The following ZNF2 variants were observed in gnomAD, a reference collection of about 807,000 sequenced individuals.
ZNF2 encodes the protein zinc finger protein 2.
ZNF2 carries 12 observed loss-of-function variants against 21.9 expected under a neutral mutation model. That is an observed-to-expected ratio of 0.55 (90% CI 0.35 to 0.89). The LOEUF (loss-of-function observed/expected upper bound fraction) is 0.89. ZNF2 is among the 40% of genes least tolerant of loss of function. The pLI is 0.01. For synonymous variants in ZNF2, 186 were observed against 196.3 expected, an observed-to-expected ratio of 0.95 and a Z score of 0.44; for missense variants, 462 against 544.2, an observed-to-expected ratio of 0.85 and a Z score of 1.50.
intron 3 of ZNF2, among the ~76,000 whole-genome samples, chr2:95,179,724 G>T (rs987495117): frequency 6.6e-6 from 1 of 152,170 alleles, no homozygotes; most frequent in African/African-American, 2.4e-5. Flanking sequence ...TGCATTCTTG[G>T]CTTGTGCGTT....
At chr2:95,168,383 C>A (rs1314581280) in intron 1 of ZNF2, among the ~76,000 whole-genome samples, 2 of 151,128 alleles carry the variant, frequency 1.3e-5, no homozygotes, top group Non-Finnish European at 2.9e-5. Flanking sequence ...CAAGATCGTG[C>A]CATTGCACTC....
intron 4 of ZNF2, 172 bp from the exon 5 acceptor site, chr2:95,180,931 C>G: frequency 1.4e-6 from 1 of 734,492 alleles, no homozygotes; most frequent in Non-Finnish European, 2.2e-6. Context: ...ATTCTGTTCC[C>G]TGCCACCTTC....
rs1287887194 is a variant in ZNF2, at chr2:95,182,284, A to G, written c.*178A>G. The G allele has an allele frequency of 2.1e-5, 16 of 758,996 alleles. No individual in the cohort carries two copies. Among genetic ancestry groups the G allele is most frequent in the Non-Finnish European group, 3.2e-5 (16 of 495,558 alleles). The allele number at this position is 758,996 out of a possible 1,614,324, so 47.0% of individuals were successfully genotyped here. On this transcript the variant is annotated 3_prime_UTR_variant, in exon 5 of 5. Transcript: ENST00000614034. ...CTGCTGTGTTATAGAACTGTAGGGG[A>G]GGCCATGGAAATGACTCTAAAGATA...
Position 95,181,558 on chromosome 2 carries a change from C to G in ZNF2, c.730C>G (p.Leu244Val). Residue 244 changes from leucine (L) to valine (V), a missense_variant, in exon 5 of 5, where the codon CTA becomes GTA. Physicochemically the swap from Leu to Val is conservative, Grantham distance 32. Coordinates refer to ENST00000614034, the MANE Select transcript of ZNF2 (RefSeq NM_021088.4). ...AAAAGCCTTCTTTGACCGTTCGTCC[C>G]TAACTGTCCATCAGCGAATTCACAC... ...CSKAFFDRSS[L>V]TVHQRIHTGE... 6.2e-7 allele frequency: 1 copy of G among 1,614,188 alleles called. No homozygotes were observed. The highest frequency in any genetic ancestry group is 8.5e-7 in the Non-Finnish European group (1 of 1,180,044).
rs1476344436 is a variant in ZNF2 at position 95,183,646 on chromosome 2, A to C, written c.*1540A>C. 5 of 121,636 alleles carry C rather than the reference A, an allele frequency of 4.1e-5. No homozygotes were observed. Among genetic ancestry groups the C allele is most frequent in the African/African-American group, 1.7e-4 (5 of 29,356 alleles). 7.5% of individuals were successfully genotyped at this position (121,636 alleles called of 1,614,324 possible). A position where few individuals can be genotyped will look rare whatever the true frequency, so the allele number is the denominator to read the frequency against. On this transcript the variant is annotated 3_prime_UTR_variant, in exon 5 of 5. Transcript: ENST00000614034. ...TTTTTTTTTTTTTTTTGTGAGACAGAGTCTCACTCTGTCACCCAGGTTGGA... is the reference window on the plus strand; with the variant it reads ...TTTTTTTTTTTTTTTTGTGAGACAGCGTCTCACTCTGTCACCCAGGTTGGA...
Position 95,182,326 on chromosome 2 carries a change from T to G in ZNF2, c.*220T>G. 1 of 557,778 alleles carries G rather than the reference T, an allele frequency of 1.8e-6. No homozygotes were observed. Among genetic ancestry groups the G allele is most frequent in the East Asian group, 3.1e-5 (1 of 31,826 alleles). 34.6% of individuals were successfully genotyped at this position (557,778 alleles called of 1,614,324 possible). ...CTAAAGATACAAAATTTTGAAGAGG[T>G]TTGTCAGACAATAGGATAGATGTTA... is the stretch of plus-strand genomic sequence containing the variant. On this transcript the variant is annotated 3_prime_UTR_variant, in exon 5 of 5. Transcript: ENST00000614034.
intron 1 of ZNF2, among the ~76,000 whole-genome samples, chr2:95,173,367 A>G (rs1033505416): frequency 9.2e-5 from 14 of 152,208 alleles, no homozygotes; most frequent in Admixed American, 5.2e-4. Context: ...TCTTCTCCCC[A>G]GTGACTTGTA....
At chr2:95,180,037 A>G in intron 3 of ZNF2, 122 bp from the exon 4 acceptor site, 1 of 674,876 alleles carries the variant, frequency 1.5e-6, no homozygotes, top group Admixed American at 2.4e-5. Flanking sequence ...AGCCTGGGCG[A>G]CAGAGTGAGA....
chr2:95,167,674 C>A (rs1292691376), intron 1 of ZNF2, among the ~76,000 whole-genome samples: 1 of 151,230 alleles, frequency 6.6e-6, no homozygotes, highest in East Asian at 2.0e-4. Context: ...ATGGTGAAAC[C>A]CCGTCTCTAC....
intron 1 of ZNF2, among the ~76,000 whole-genome samples, chr2:95,168,124 G>GA (rs879786532): frequency 1.5e-3 from 205 of 136,316 alleles, no homozygotes; most frequent in African/African-American, 1.5e-3. Flanking sequence ...AATGCTGGAA[G>GA]AAAAAAAAAA....
rs1674588337 is a variant in ZNF2, at chr2:95,180,170, C to T, written c.172C>T (p.Pro58Ser). The change falls in exon 4 of 5, where the codon CCT becomes TCT. Residue 58 changes from proline to serine, a missense_variant. Transcript: ENST00000614034. ...NSIVSLGLPV[P>S]QPDVIFQLKR... ...TTCTCTTTGAGCAGGCCTTCCAGTTCCTCAACCTGATGTGATTTTCCAATT... is the reference window on the plus strand; with the variant it reads ...TTCTCTTTGAGCAGGCCTTCCAGTTTCTCAACCTGATGTGATTTTCCAATT... 1 of 1,613,518 alleles carries T rather than the reference C, an allele frequency of 6.2e-7. No homozygotes were observed. The highest frequency in any genetic ancestry group is 8.5e-7 in the Non-Finnish European group (1 of 1,179,440).
chr2:95,182,310 C>G lies in ZNF2; in HGVS notation c.*204C>G. 1.6e-6 allele frequency: 1 copy of G among 627,488 alleles called. No individual in the cohort carries two copies. The allele number at this position is 627,488 out of a possible 1,614,324, so 38.9% of individuals were successfully genotyped here. On this transcript the variant is annotated 3_prime_UTR_variant, in exon 5 of 5. Transcript: ENST00000614034. ...GGCCATGGAAATGACTCTAAAGATA[C>G]AAAATTTTGAAGAGGTTTGTCAGAC...
At chr2:95,168,002 AATGAGAACTGCTTTGCTAGAAGG>A (rs1289834164) in intron 1 of ZNF2, among the ~76,000 whole-genome samples, 1 of 152,194 alleles carries the variant, frequency 6.6e-6, no homozygotes, top group East Asian at 1.9e-4. Context: ...GGACAACCTA[AATGAGAACTGCTTTGCTAGAAGG>A]AGGTCATGGG....
chr2:95,174,466 G>A (rs1674376580), intron 1 of ZNF2, among the ~76,000 whole-genome samples: 3 of 152,270 alleles, frequency 2.0e-5, no homozygotes, highest in South Asian at 4.1e-4. Flanking sequence ...ACTGCTCACA[G>A]CCTAGACTTC....
chr2:95,170,110 T>C (rs1251134668), intron 1 of ZNF2, among the ~76,000 whole-genome samples: 1 of 152,200 alleles, frequency 6.6e-6, no homozygotes, highest in Non-Finnish European at 1.5e-5. Context: ...TTTTGACTTA[T>C]TTCTAGGGCC....
intron 1 of ZNF2, among the ~76,000 whole-genome samples, chr2:95,172,984 GA>G (rs1486024247): frequency 6.7e-6 from 1 of 148,686 alleles, no homozygotes; most frequent in African/African-American, 2.5e-5. Flanking sequence ...TTTTTTGTAA[GA>G]AACAAAGCAT....
rs1395846319 is a variant in ZNF2, at chr2:95,184,037, T to C, written c.*1931T>C. 1 of 152,200 alleles carries C rather than the reference T, an allele frequency of 6.6e-6. No individual in the cohort carries two copies. The highest frequency in any genetic ancestry group is 2.4e-5 in the African/African-American group (1 of 41,450). The allele number at this position is 152,200 out of a possible 1,614,324, so 9.4% of individuals were successfully genotyped here. On this transcript the variant is annotated 3_prime_UTR_variant, in exon 5 of 5. Coordinates refer to ENST00000614034, the MANE Select transcript of ZNF2 (RefSeq NM_021088.4). Reference sequence around the variant, plus strand: ...AAGGACTTGGTTCTGAAAGGCTGTCTGGAATTAGATTGTCCTACGTGATTC... The same window carrying C: ...AAGGACTTGGTTCTGAAAGGCTGTCCGGAATTAGATTGTCCTACGTGATTC...
chr2:95,168,176 C>T (rs1674148980), intron 1 of ZNF2, among the ~76,000 whole-genome samples: 1 of 151,708 alleles, frequency 6.6e-6, no homozygotes, highest in South Asian at 2.1e-4. Flanking sequence ...CCTGTAATCC[C>T]AGCACTGTGG....
intron 1 of ZNF2, among the ~76,000 whole-genome samples, chr2:95,172,407 C>T (rs1051835104): frequency 6.6e-6 from 1 of 152,146 alleles, no homozygotes; most frequent in Non-Finnish European, 1.5e-5. Flanking sequence ...CTTTTCTGCA[C>T]ACCACCCTTC....
Sources: allele counts gnomAD v4.1 joint callset (sites outside exome capture counted in the v4.1 genomes callset), GRCh38; gene constraint gnomAD v4.1.1; transcripts MANE v1.5; gene names NCBI Gene and HGNC (gene_info 2026-07-23, HGNC 2026-07-21).